The following LMO3 variants were observed in gnomAD, a reference collection of about 807,000 sequenced individuals.
LMO3 encodes LIM domain only 3.
In LMO3, 2 loss-of-function variants were observed where a neutral mutation model predicts 15.8. The ratio of observed to expected loss-of-function variants is 0.13; its 90% CI spans 0.05 to 0.40. The LOEUF is 0.40. LMO3 is among the 10% of genes least tolerant of loss of function. The pLI, the probability that LMO3 is intolerant of heterozygous loss-of-function variation, is 0.99. For synonymous variants in LMO3, 62 were observed against 63.8 expected, an observed-to-expected ratio of 0.97 and a Z score of 0.13; for missense variants, 86 against 182.2, an observed-to-expected ratio of 0.47 and a Z score of 3.04.
intron 2 of LMO3, among the ~76,000 whole-genome samples, chr12:16,579,768 C>CA (rs1181900784): frequency 6.6e-6 from 1 of 152,150 alleles, no homozygotes; most frequent in Non-Finnish European, 1.5e-5. Flanking sequence ...CCAATAGATT[C>CA]AGTGGCCGAG....
rs1186115631 is a variant in LMO3 at position 16,593,553 on chromosome 12, TGAGAA to T, written c.206+7097_206+7101del. On this transcript the variant is annotated intron_variant, in intron 2 of 3. Transcript: ENST00000537304. The surrounding 1 kb of genome is among the most constrained non-coding windows in gnomAD (Gnocchi z 4.2). ...CATTACATAACTACAAAAATACTGTTGAGAAGAAAAAGGTTTATCAAGAAGATTTC... is the reference window on the plus strand; with the variant it reads ...CATTACATAACTACAAAAATACTGTTGAAAAAGGTTTATCAAGAAGATTTC... Among the ~76,000 whole-genome samples the T allele has an allele frequency of 2.0e-5, 3 of 151,572 alleles. No individual in the cohort carries two copies. The South Asian group carries it at 6.2e-4, about 31-fold the overall frequency.
intron 2 of LMO3, among the ~76,000 whole-genome samples, chr12:16,573,053 T>C (rs1942870282): frequency 6.6e-6 from 1 of 151,994 alleles, no homozygotes; most frequent in African/African-American, 2.4e-5. Context: ...TCTATCCAGA[T>C]ACATCTTATA....
At position 16,568,425 on chromosome 12, in the gene LMO3, C is replaced by T. The variant is rs563443297; in HGVS notation, c.207-7887G>A. 2.9e-4 allele frequency among the ~76,000 whole-genome samples: 44 copies of T among 152,098 alleles called. No homozygotes were observed. In the South Asian group the frequency reaches 9.1e-3, roughly 32 times the overall value. On this transcript the variant is annotated intron_variant, in intron 2 of 3. Coordinates refer to ENST00000537304, the MANE Select transcript of LMO3 (RefSeq NM_018640.5). The stretch of plus-strand genomic sequence containing the variant: ...AAATGGCTGGTTTCTCCCCAACCTC[C>T]AATCCACTCATAATCCAAGCTAAGT...
At position 16,604,977 on chromosome 12, in the gene LMO3, C is replaced by T; in HGVS notation, c.-9+1089G>A. On this transcript the variant is annotated intron_variant, in intron 1 of 3. Coordinates refer to ENST00000537304, the MANE Select transcript of LMO3 (RefSeq NM_018640.5). The surrounding 1 kb of genome is among the most constrained non-coding windows in gnomAD (Gnocchi z 5.3). Reference sequence around the variant, plus strand: ...AAGTAGAAGGGGGTCTCCTTGATTTCGCTTAAGTGTGGACCTGGTGCGCAG... The same window carrying T: ...AAGTAGAAGGGGGTCTCCTTGATTTTGCTTAAGTGTGGACCTGGTGCGCAG... 1 of 1,597,290 alleles carries T rather than the reference C, an allele frequency of 6.3e-7. No individual in the cohort carries two copies. The highest frequency in any genetic ancestry group is 1.1e-5 in the South Asian group (1 of 90,944).
chr12:16,568,916 A>C (rs1209496582), intron 2 of LMO3, among the ~76,000 whole-genome samples: 1 of 152,212 alleles, frequency 6.6e-6, no homozygotes, highest in East Asian at 1.9e-4. Context: ...TCTAAGCTTA[A>C]AGATAAGAAA....
intron 1 of LMO3, chr12:16,605,241 G>A: frequency 7.8e-7 from 1 of 1,283,288 alleles, no homozygotes; most frequent in Non-Finnish European, 9.9e-7. Flanking sequence ...TGATTAAACT[G>A]TCACATGCAG....
intron 2 of LMO3, among the ~76,000 whole-genome samples, chr12:16,573,106 G>C (rs1047257714): frequency 6.6e-6 from 1 of 151,526 alleles, no homozygotes; most frequent in African/African-American, 2.4e-5. Context: ...ATGAAAGTTA[G>C]GAGTAAGCCA....
At chr12:16,563,878 T>C (rs1327206525) in intron 2 of LMO3, among the ~76,000 whole-genome samples, 2 of 152,222 alleles carry the variant, frequency 1.3e-5, no homozygotes, top group East Asian at 1.9e-4. Context: ...CATTTTAAGA[T>C]GTCTTATAGA....
intron 2 of LMO3, among the ~76,000 whole-genome samples, chr12:16,575,909 C>A (rs1298524348): frequency 6.6e-6 from 1 of 152,140 alleles, no homozygotes; most frequent in Non-Finnish European, 1.5e-5. Context: ...TCCCTCTCCC[C>A]ATGTTCAATG....
chr12:16,594,079 C>T (rs1472855674), intron 2 of LMO3: 5 of 1,483,182 alleles, frequency 3.4e-6, no homozygotes, highest in Non-Finnish European at 4.5e-6. Context: ...CTATAGTTTG[C>T]AATATTAACG....
At chr12:16,569,295 CTT>C in intron 2 of LMO3, among the ~76,000 whole-genome samples, 1 of 152,260 alleles carries the variant, frequency 6.6e-6, no homozygotes, top group East Asian at 1.9e-4. Flanking sequence ...CACTATACTT[CTT>C]TGTTTTTCCC....
In LMO3 at chr12:16,587,916, A is replaced by G. The variant is rs1943371292; in HGVS notation, c.206+12739T>C. On this transcript the variant is annotated intron_variant, in intron 2 of 3. Coordinates refer to ENST00000537304, the MANE Select transcript of LMO3 (RefSeq NM_018640.5). This position sits in a 1 kb window ranked among gnomAD's most constrained non-coding sequence, Gnocchi z 4.3. ...CATTGCTACATTTCTCATGAAAGAA[A>G]ACCTTGATTTAATTTTAAATGAACA... is the stretch of plus-strand genomic sequence containing the variant. Among the ~76,000 whole-genome samples the G allele has an allele frequency of 6.6e-6, 1 of 152,142 alleles. No homozygotes were observed. The highest frequency in any genetic ancestry group is 2.4e-5 in the African/African-American group (1 of 41,442).
At chr12:16,578,475 C>G (rs1444915225) in intron 2 of LMO3, among the ~76,000 whole-genome samples, 1 of 151,994 alleles carries the variant, frequency 6.6e-6, no homozygotes, top group African/African-American at 2.4e-5. Context: ...TCAGGCTGGC[C>G]CATGCTCAGG....
At position 16,599,608 on chromosome 12, in the gene LMO3, G is replaced by A. The variant is rs1729642517; in HGVS notation, c.206+1047C>T. 6.6e-6 allele frequency: 1 copy of A among 152,104 alleles called. No individual in the cohort carries two copies. The highest frequency in any genetic ancestry group is 2.1e-4 in the South Asian group (1 of 4,828). The allele number at this position is 152,104 out of a possible 1,614,324, so 9.4% of individuals were successfully genotyped here. ...TCGCTTAATGTCAGACCAGAAAAAT[G>A]ATAAATTGTATTAAATATGAAAATC... On this transcript the variant is annotated intron_variant, in intron 2 of 3. Transcript: ENST00000537304. This position sits in a 1 kb window ranked among gnomAD's most constrained non-coding sequence, Gnocchi z 4.1.
chr12:16,590,654 G>A (rs1044678124), intron 2 of LMO3, among the ~76,000 whole-genome samples: 14 of 151,712 alleles, frequency 9.2e-5, no homozygotes, highest in African/African-American at 3.4e-4. Context: ...TGACATCTTT[G>A]GTCAAGATCT....
chr12:16,594,354 G>A, intron 2 of LMO3: 1 of 1,250,396 alleles, frequency 8.0e-7, no homozygotes, highest in Non-Finnish European at 1.1e-6. Flanking sequence ...AAAAAAGAAA[G>A]AAAAAGGCCA....
rs1229282827 is a variant in LMO3 at position 16,591,764 on chromosome 12, G to C, written c.206+8891C>G. Among the ~76,000 whole-genome samples, 2 of 152,024 alleles carry C rather than the reference G, an allele frequency of 1.3e-5. No individual in the cohort carries two copies. The highest frequency in any genetic ancestry group is 2.9e-5 in the Non-Finnish European group (2 of 67,974). On this transcript the variant is annotated intron_variant, in intron 2 of 3. Coordinates refer to ENST00000537304, the MANE Select transcript of LMO3 (RefSeq NM_018640.5). This position sits in a 1 kb window ranked among gnomAD's most constrained non-coding sequence, Gnocchi z 4.1. The stretch of plus-strand genomic sequence containing the variant: ...GAAAGTTACAAGCTAAGTCTGTCTT[G>C]CTCTGCACCCAAAATATAACCCGTG...
chr12:16,554,583 A>C (rs924716061), intron 3 of LMO3, among the ~76,000 whole-genome samples: 3 of 152,226 alleles, frequency 2.0e-5, no homozygotes, highest in African/African-American at 7.2e-5. Flanking sequence ...TTAGTGTATC[A>C]AATGACACTA....
chr12:16,583,034 G>A (rs942299276), intron 2 of LMO3, among the ~76,000 whole-genome samples: 27 of 118,234 alleles, frequency 2.3e-4, no homozygotes, highest in African/African-American at 8.6e-4. Flanking sequence ...GTGACAGTGC[G>A]AGACTCCGCC....
Sources: allele counts gnomAD v4.1 joint callset (sites outside exome capture counted in the v4.1 genomes callset), GRCh38; gene constraint gnomAD v4.1.1; non-coding constraint Gnocchi (gnomAD v3.1); transcripts MANE v1.5; gene names NCBI Gene and HGNC (gene_info 2026-07-23, HGNC 2026-07-21).